The following PTPRK variants were observed in gnomAD, a reference collection of about 807,000 sequenced individuals.
PTPRK encodes receptor-type tyrosine-protein phosphatase kappa.
PTPRK carries 75 observed loss-of-function variants against 178.0 expected under a neutral mutation model. That is an observed-to-expected ratio of 0.42 (90% CI 0.35 to 0.51). PTPRK has a LOEUF of 0.51. Ranked by LOEUF, PTPRK falls within the 20% of genes least tolerant of loss-of-function variation. PTPRK has a pLI of 0.02. For missense variants in PTPRK, 1,441 were observed against 1,797.8 expected (o/e 0.80, Z 3.59); for synonymous variants, 637 against 620.6 (o/e 1.03, Z -0.39).
chr6:128,308,294 G>A (rs186312578), intron 3 of PTPRK, among the ~76,000 whole-genome samples: 7 of 152,022 alleles, frequency 4.6e-5, no homozygotes, highest in East Asian at 3.9e-4. Flanking sequence ...AGGATAGAAG[G>A]AAAGTGATTA....
intron 13 of PTPRK, among the ~76,000 whole-genome samples, chr6:128,053,178 AC>A (rs1779330583): frequency 6.9e-6 from 1 of 145,012 alleles, no homozygotes. Flanking sequence ...ACACACACAC[AC>A]ACACCCCTAT....
At chr6:128,421,790 C>T (rs551144809) in intron 1 of PTPRK, among the ~76,000 whole-genome samples, 126 of 152,270 alleles carry the variant, frequency 8.3e-4, no homozygotes, top group African/African-American at 2.9e-3. Context: ...CTTCAAGCTC[C>T]GCAATCAATC....
intron 2 of PTPRK, among the ~76,000 whole-genome samples, chr6:128,358,589 C>T (rs1451834489): frequency 6.6e-6 from 1 of 152,178 alleles, no homozygotes; most frequent in Non-Finnish European, 1.5e-5. Context: ...GTTTTGTCTA[C>T]CAGAAATTTT....
chr6:128,194,854 A>T (rs1478572556), intron 6 of PTPRK, among the ~76,000 whole-genome samples: 1 of 152,232 alleles, frequency 6.6e-6, no homozygotes, highest in Non-Finnish European at 1.5e-5. Context: ...TCCATTCTAG[A>T]TTATAGGCAA....
chr6:128,450,121 A>G (rs909633076), intron 1 of PTPRK, among the ~76,000 whole-genome samples: 1 of 145,530 alleles, frequency 6.9e-6, no homozygotes, highest in South Asian at 2.1e-4. Context: ...CATCTCAACA[A>G]AAAAAAAAAA....
intron 2 of PTPRK, among the ~76,000 whole-genome samples, chr6:128,379,279 C>T (rs1416636041): frequency 6.6e-6 from 1 of 152,076 alleles, no homozygotes; most frequent in Non-Finnish European, 1.5e-5. Flanking sequence ...CGAATAAATG[C>T]TATATGATGC....
intron 13 of PTPRK, among the ~76,000 whole-genome samples, chr6:128,060,693 T>C (rs1031342053): frequency 6.6e-6 from 1 of 152,160 alleles, no homozygotes; most frequent in Non-Finnish European, 1.5e-5. Context: ...AAAACTGATA[T>C]AGACACAGAC....
In PTPRK at chr6:128,000,094, A is replaced by T. The variant is rs929304184; in HGVS notation, c.2495-1190T>A. 16 of 969,752 alleles carry T rather than the reference A, an allele frequency of 1.6e-5. No individual in the cohort carries two copies. The East Asian group carries it at 1.2e-3, about 75-fold the overall frequency. 60.1% of individuals were successfully genotyped at this position (969,752 alleles called of 1,614,324 possible). A position where few individuals can be genotyped will look rare whatever the true frequency, so the allele number is the denominator to read the frequency against. On this transcript the variant is annotated intron_variant, in intron 15 of 29. Transcript: ENST00000368226. ...ACTTACCACTTAAAAAAAAAAACAA[A>T]TGTTTTAAGGGGTGTTACTTTGAAA...
At chr6:128,349,589 G>T (rs1284581920) in intron 2 of PTPRK, among the ~76,000 whole-genome samples, 1 of 151,680 alleles carries the variant, frequency 6.6e-6, no homozygotes, top group African/African-American at 2.4e-5. Flanking sequence ...ATCCTCAGAA[G>T]CTGATTCTGT....
At chr6:128,262,444 G>T (rs904761180) in intron 3 of PTPRK, among the ~76,000 whole-genome samples, 1 of 152,146 alleles carries the variant, frequency 6.6e-6, no homozygotes, top group East Asian at 1.9e-4. Context: ...TTCTAGAAAT[G>T]AGTTATTTTA....
At chr6:128,482,668 G>A (rs114161023) in intron 1 of PTPRK, among the ~76,000 whole-genome samples, 1 of 152,074 alleles carries the variant, frequency 6.6e-6, no homozygotes, top group African/African-American at 2.4e-5. Context: ...TCAGTTCGTC[G>A]GTCAGTGAAC....
chr6:128,466,365 G>A (rs1849843061), intron 1 of PTPRK, among the ~76,000 whole-genome samples: 1 of 152,176 alleles, frequency 6.6e-6, no homozygotes, highest in African/African-American at 2.4e-5. Flanking sequence ...GAAGCTTAAA[G>A]AAGACAATAG....
intron 15 of PTPRK, among the ~76,000 whole-genome samples, chr6:128,002,353 A>G (rs1189899168): frequency 1.3e-5 from 2 of 151,820 alleles, no homozygotes; most frequent in Admixed American, 1.3e-4. Context: ...TATTTATTTG[A>G]TAGTTTCCAT....
chr6:127,981,348 C>G, intron 24 of PTPRK, 59 bp from the exon 25 acceptor site: 1 of 1,425,458 alleles, frequency 7.0e-7, no homozygotes, highest in South Asian at 1.3e-5. Flanking sequence ...CAGTATAACA[C>G]AGATCCATCA....
intron 29 of PTPRK, among the ~76,000 whole-genome samples, chr6:127,970,504 C>T (rs41285280): frequency 0.18 from 27,739 of 151,792 alleles, 2,900 homozygotes; most frequent in Non-Finnish European, 0.23. Context: ...TTATCTTTGC[C>T]GCATATTTTC....
chr6:128,341,246 TAATA>T (rs201488224), intron 2 of PTPRK, among the ~76,000 whole-genome samples: 4,683 of 152,266 alleles, frequency 0.031, 90 homozygotes, highest in Middle Eastern at 0.051. Context: ...TCTCAATGAT[TAATA>T]AATAATTATC....
intron 2 of PTPRK, among the ~76,000 whole-genome samples, 176 bp downstream of exon 2, chr6:128,397,389 AG>A (rs975931028): frequency 6.6e-6 from 1 of 152,146 alleles, no homozygotes; most frequent in Non-Finnish European, 1.5e-5. Flanking sequence ...CAAGGAATAC[AG>A]AATTACAGAA....
chr6:128,358,949 T>C (rs1011335286), intron 2 of PTPRK, among the ~76,000 whole-genome samples: 3 of 152,184 alleles, frequency 2.0e-5, no homozygotes, highest in Admixed American at 1.3e-4. Flanking sequence ...GAGAATGATA[T>C]ACATGGAGAT....
chr6:128,391,729 T>G (rs1178225920), intron 2 of PTPRK, among the ~76,000 whole-genome samples: 1 of 152,030 alleles, frequency 6.6e-6, no homozygotes, highest in Non-Finnish European at 1.5e-5. Flanking sequence ...TCAACATAAC[T>G]TCCTTGAAAT....
Sources: gnomAD v4.1 joint callset for allele counts (sites outside exome capture counted in the v4.1 genomes callset) on GRCh38, gnomAD v4.1.1 for gene constraint, MANE v1.5 for transcripts, NCBI Gene and HGNC (gene_info 2026-07-23, HGNC 2026-07-21) for gene names.